The following COL17A1 variants were observed in gnomAD, a reference collection of about 807,000 sequenced individuals.
The protein encoded by COL17A1 is collagen alpha-1(XVII) chain.
Under a neutral mutation model 218.4 loss-of-function variants are expected in COL17A1, and 181 were observed. The ratio of observed to expected loss-of-function variants is 0.83; its 90% CI spans 0.73 to 0.94. The LOEUF (loss-of-function observed/expected upper bound fraction) is 0.94, where lower values mean the gene tolerates loss of function less well. Among genes scored for constraint, COL17A1 ranks in the 40% least tolerant of loss-of-function variants. The probability of loss-of-function intolerance (pLI) is 0.00; values close to 1 mark genes in which losing one functional copy is unlikely to be tolerated. For missense variants in COL17A1, 1,924 were observed against 1,945.9 expected (o/e 0.99, Z 0.21); for synonymous variants, 721 against 731.0 (o/e 0.99, Z 0.22).
intron 2 of COL17A1, 152 bp from the exon 3 acceptor site, chr10:104,078,738 C>T: frequency 9.7e-7 from 1 of 1,035,614 alleles, no homozygotes; most frequent in Non-Finnish European, 1.4e-6. Context: ...GTGATCTGAC[C>T]CACTGTGCAA....
chr10:104,067,673 G>C (rs1249531556), intron 9 of COL17A1, among the ~76,000 whole-genome samples: 1 of 152,094 alleles, frequency 6.6e-6, no homozygotes, highest in Non-Finnish European at 1.5e-5. Context: ...TGCAGGTGTG[G>C]GGGCGGCAGG....
intron 40 of COL17A1, 119 bp from the exon 41 acceptor site, chr10:104,040,118 C>T: frequency 8.2e-7 from 1 of 1,220,790 alleles, no homozygotes; most frequent in Non-Finnish European, 1.2e-6. Flanking sequence ...ACTTGGGGTT[C>T]CTTGTGCCTC....
chr10:104,047,305 G>A (rs1002864227), intron 31 of COL17A1, among the ~76,000 whole-genome samples: 1 of 152,100 alleles, frequency 6.6e-6, no homozygotes, highest in Admixed American at 6.6e-5. Flanking sequence ...CGTGGGTGTT[G>A]GTGAGGGCCC....
intron 43 of COL17A1, 107 bp downstream of exon 43, chr10:104,039,338 C>T: frequency 1.5e-6 from 2 of 1,316,404 alleles, no homozygotes; most frequent in Non-Finnish European, 2.2e-6. Context: ...TTCTCTCTCC[C>T]AAGACTTTAC....
At chr10:104,080,828 C>A in intron 1 of COL17A1, 144 bp from the exon 2 acceptor site, 1 of 853,038 alleles carries the variant, frequency 1.2e-6, no homozygotes, top group South Asian at 1.5e-5. Flanking sequence ...TTTTATGAGT[C>A]ATTCCCATTT....
At chr10:104,037,158 A>G (rs1200221461) in intron 46 of COL17A1, 45 bp from the exon 47 acceptor site, 2 of 1,532,314 alleles carry the variant, frequency 1.3e-6, no homozygotes, top group Non-Finnish European at 1.8e-6. Context: ...CAGGTACTGA[A>G]GCAACACCCT....
Position 104,055,444 on chromosome 10 carries a change from TCA to T in COL17A1, c.1688-45_1688-44del, listed in dbSNP as rs1554849247. On this transcript the variant is annotated intron_variant, in intron 18 of 55. Coordinates refer to ENST00000648076, the MANE Select transcript of COL17A1 (RefSeq NM_000494.4). ...TCCTGAGTCAGCTTCACATCTCCTG[TCA>T]CACACACACACACACACACACACAC... 2.6e-3 allele frequency: 2,889 copies of T among 1,130,110 alleles called. 8 individuals are homozygous for T. Among genetic ancestry groups the T allele is most frequent in the East Asian group, 0.024 (967 of 40,160 alleles). 70.0% of individuals were successfully genotyped at this position (1,130,110 alleles called of 1,614,324 possible). A position where few individuals can be genotyped will look rare whatever the true frequency, so the allele number is the denominator to read the frequency against.
intron 37 of COL17A1, 23 bp from the exon 38 acceptor site, chr10:104,041,367 G>A: frequency 1.2e-6 from 2 of 1,609,190 alleles, no homozygotes; most frequent in Non-Finnish European, 1.7e-6. Context: ...GCAAGGAAGA[G>A]GCCATGCTGA....
intron 5 of COL17A1, among the ~76,000 whole-genome samples, chr10:104,075,979 T>C (rs1264897926): frequency 6.6e-6 from 1 of 152,252 alleles, no homozygotes; most frequent in Non-Finnish European, 1.5e-5. Flanking sequence ...ACTTGTCTAT[T>C]AGACTACAGG....
chr10:104,064,559 G>T lies in COL17A1; in HGVS notation c.645C>A (p.Asn215Lys). ...TGGAGGACCACACATGGGAGGGAAG[G>T]TTGGCATCCAGGATCGTTGCATCGT... is the stretch of plus-strand genomic sequence containing the variant. ...GTYDATILDANLPSHVWSSTL... is the reference protein window; with the variant it reads ...GTYDATILDAKLPSHVWSSTL... Residue 215 changes from asparagine (N) to lysine (K), a missense_variant, in exon 10 of 56, where the codon AAC becomes AAA. Transcript: ENST00000648076. The T allele has an allele frequency of 1.2e-6, 2 of 1,613,992 alleles. No homozygotes were observed. Among genetic ancestry groups the T allele is most frequent in the Non-Finnish European group, 1.7e-6 (2 of 1,179,950 alleles).
intron 33 of COL17A1, among the ~76,000 whole-genome samples, chr10:104,045,466 G>A (rs1393541897): frequency 6.6e-6 from 1 of 152,176 alleles, no homozygotes; most frequent in Non-Finnish European, 1.5e-5. Context: ...GAAAGGCTTT[G>A]GGGAGGGCAG....
Position 104,062,308 on chromosome 10 carries a change from A to G in COL17A1, c.860T>C (p.Leu287Pro). 1.2e-6 allele frequency: 2 copies of G among 1,614,228 alleles called. No individual in the cohort carries two copies. The highest frequency in any genetic ancestry group is 1.7e-6 in the Non-Finnish European group (2 of 1,180,042). The change falls in exon 12 of 56, where the codon CTG becomes CCG. Residue 287 changes from leucine (L) to proline (P), a missense_variant. Transcript: ENST00000648076. The stretch of plus-strand genomic sequence containing the variant: ...GGACAGGGTGGTCAAGCTGGGGGCC[A>G]GATTGTTCTGCATGCCAAACACTGT... ...SSSVFGMQNNLAPSLTTLSHG... is the reference protein window; with the variant it reads ...SSSVFGMQNNPAPSLTTLSHG...
chr10:104,041,332 G>A lies in COL17A1; in HGVS notation c.2618C>T (p.Pro873Leu). The change falls in exon 38 of 56, where the codon CCA becomes CTA. Residue 873 changes from proline to leucine, a missense_variant. Pro to Leu is a moderately conservative substitution (Grantham distance 98, BLOSUM62 -3). Transcript: ENST00000648076. Reference sequence around the variant, plus strand: ...TGGGCCTCGGGGTCCTGGTGGGCCTGGAATGGAAGGCCCTGCAGAAGAGAG... The same window carrying A: ...TGGGCCTCGGGGTCCTGGTGGGCCTAGAATGGAAGGCCCTGCAGAAGAGAG... ...GPRGPPGPSI[P>L]GPPGPRGPPG... The A allele has an allele frequency of 1.2e-6, 2 of 1,610,950 alleles. No homozygotes were observed. Among genetic ancestry groups the A allele is most frequent in the South Asian group, 1.1e-5 (1 of 90,642 alleles).
rs996846526 is a variant in COL17A1 at position 104,036,477 on chromosome 10, C to G, written c.3418+15G>C. 4.9e-5 allele frequency: 79 copies of G among 1,613,690 alleles called. No homozygotes were observed. Among genetic ancestry groups the G allele is most frequent in the Non-Finnish European group, 6.6e-5 (78 of 1,179,902 alleles). Reference sequence around the variant, plus strand: ...TCCCAGGCCCTTCCCAACCACCCCTCCTGCAGACACTTACTCGACATGTAG... The same window carrying G: ...TCCCAGGCCCTTCCCAACCACCCCTGCTGCAGACACTTACTCGACATGTAG... On this transcript the variant is annotated intron_variant, in intron 48 of 55. Coordinates refer to ENST00000648076, the MANE Select transcript of COL17A1 (RefSeq NM_000494.4).
At position 104,058,262 on chromosome 10, in the gene COL17A1, T is replaced by A; in HGVS notation, c.1223-72A>T. On this transcript the variant is annotated intron_variant, in intron 15 of 55. Transcript: ENST00000648076. Reference sequence around the variant, plus strand: ...AGCTGCTCTGCCTATGGAGTAGCCATTTTTTTATTCCTTTACTTTCTTAAT... The same window carrying A: ...AGCTGCTCTGCCTATGGAGTAGCCAATTTTTTATTCCTTTACTTTCTTAAT... 5 of 1,587,696 alleles carry A rather than the reference T, an allele frequency of 3.1e-6. No individual in the cohort carries two copies. In the South Asian group the frequency reaches 4.5e-5, roughly 14 times the overall value.
intron 14 of COL17A1, 145 bp downstream of exon 14, chr10:104,059,974 T>C (rs2086567289): frequency 7.1e-7 from 1 of 1,401,380 alleles, no homozygotes; most frequent in Non-Finnish European, 9.8e-7. Flanking sequence ...CCCTGGAACA[T>C]ACTATTCAGA....
rs543835020 is a variant in COL17A1 at position 104,043,511 on chromosome 10, T to TGGAGGTCCTGGGGGTCCCATGGCTCCA, written c.2478_2504dup (p.Met829_Ala837dup). On this transcript the variant is annotated inframe_insertion, in exon 35 of 56. Coordinates refer to ENST00000648076, the MANE Select transcript of COL17A1 (RefSeq NM_000494.4). ...AGAAAATAGACTGACCTGGGGCACC[T>TGGAGGTCCTGGGGGTCCCATGGCTCCA]GGAGGTCCTGGGGGTCCCATGGCTC... 1 of 1,613,826 alleles carries TGGAGGTCCTGGGGGTCCCATGGCTCCA rather than the reference T, an allele frequency of 6.2e-7. No individual in the cohort carries two copies. The highest frequency in any genetic ancestry group is 1.3e-5 in the African/African-American group (1 of 75,014).
chr10:104,050,160 G>C, intron 27 of COL17A1, 36 bp from the exon 28 acceptor site: 1 of 1,613,862 alleles, frequency 6.2e-7, no homozygotes, highest in Non-Finnish European at 8.5e-7. Context: ...AAAAGCCACA[G>C]TTGTGAGCAA....
chr10:104,042,224 C>T (rs2086367293), intron 36 of COL17A1, among the ~76,000 whole-genome samples, 196 bp downstream of exon 36: 1 of 152,192 alleles, frequency 6.6e-6, no homozygotes, highest in South Asian at 2.1e-4. Context: ...CTCTTGTAAT[C>T]CCAGAACTTC....
Sources: gnomAD v4.1 joint callset for allele counts (sites outside exome capture counted in the v4.1 genomes callset) on GRCh38, gnomAD v4.1.1 for gene constraint, MANE v1.5 for transcripts, NCBI Gene and HGNC (gene_info 2026-07-23, HGNC 2026-07-21) for gene names.